Variants in SV2C observed in about 807,000 individuals in gnomAD.
SV2C encodes the protein synaptic vesicle glycoprotein 2C.
A neutral mutation model predicts 79.7 loss-of-function variants in SV2C; 49 were observed. That is an observed-to-expected ratio of 0.61 (90% CI 0.49 to 0.78). The LOEUF (loss-of-function observed/expected upper bound fraction) is 0.78, where lower values mean the gene tolerates loss of function less well. Ranked by LOEUF, SV2C falls within the 30% of genes least tolerant of loss-of-function variation. The pLI, the probability that SV2C is intolerant of heterozygous loss-of-function variation, is 0.00. For missense variants in SV2C, 833 were observed against 912.9 expected, an observed-to-expected ratio of 0.91 and a Z score of 1.13; for synonymous variants, 334 against 333.2, an observed-to-expected ratio of 1.00 and a Z score of -0.03.
chr5:76,045,457 A>G, the SV2C span, among the ~76,000 whole-genome samples: 6 of 152,230 alleles, frequency 3.9e-5, no homozygotes, highest in Non-Finnish European at 5.9e-5. Flanking sequence ...AAGAATGTCA[A>G]TGGTCATTTG....
intron 2 of SV2C, among the ~76,000 whole-genome samples, chr5:76,181,712 TCAAC>T (rs1210857199): frequency 3.9e-5 from 6 of 152,134 alleles, no homozygotes; most frequent in African/African-American, 1.4e-4. Flanking sequence ...ACCCCCATGA[TCAAC>T]CACTTCCCAC....
chr5:76,226,415 A>T (rs1745246172), intron 4 of SV2C, among the ~76,000 whole-genome samples: 1 of 152,176 alleles, frequency 6.6e-6, no homozygotes, highest in African/African-American at 2.4e-5. Flanking sequence ...AGCCATACAG[A>T]TATTAAAGCC....
the SV2C span, among the ~76,000 whole-genome samples, chr5:75,995,619 A>G: frequency 0.014 from 2,144 of 152,268 alleles, 50 homozygotes; most frequent in African/African-American, 0.048. Context: ...AGAACTATCC[A>G]TCACTCTCTG....
chr5:75,935,648 C>T, the SV2C span, among the ~76,000 whole-genome samples: 2 of 152,144 alleles, frequency 1.3e-5, no homozygotes, highest in African/African-American at 2.4e-5. Context: ...CTAAGACACA[C>T]GAATGATTGA....
At chr5:76,189,815 A>C (rs555067013) in intron 2 of SV2C, among the ~76,000 whole-genome samples, 5 of 151,938 alleles carry the variant, frequency 3.3e-5, no homozygotes, top group Non-Finnish European at 5.9e-5. Context: ...GATTTTTCTC[A>C]GTCTTTTTTT....
At chr5:76,179,177 C>T (rs12152728) in intron 2 of SV2C, among the ~76,000 whole-genome samples, 1 of 152,018 alleles carries the variant, frequency 6.6e-6, no homozygotes, top group African/African-American at 2.4e-5. Context: ...TATGAATGTG[C>T]AGTTGAAGTT....
the SV2C span, among the ~76,000 whole-genome samples, chr5:75,986,793 T>C: frequency 1.3e-5 from 2 of 151,924 alleles, no homozygotes; most frequent in Non-Finnish European, 2.9e-5. Context: ...CTTGTGTCTG[T>C]TTGTTCTGGA....
chr5:75,995,243 C>A, the SV2C span, among the ~76,000 whole-genome samples: 1 of 152,022 alleles, frequency 6.6e-6, no homozygotes, highest in Admixed American at 6.6e-5. Flanking sequence ...TCTGAGCATC[C>A]CTTAGCCCAG....
chr5:76,101,132 G>C (rs1000038401), intron 1 of SV2C, among the ~76,000 whole-genome samples: 4 of 152,096 alleles, frequency 2.6e-5, no homozygotes, highest in African/African-American at 9.7e-5. Context: ...GAGCACCCTG[G>C]GTGATTTGGG....
At chr5:75,878,082 A>G in the SV2C span, among the ~76,000 whole-genome samples, 1 of 152,198 alleles carries the variant, frequency 6.6e-6, no homozygotes, top group Non-Finnish European at 1.5e-5. Flanking sequence ...CACGCCAATT[A>G]TACTTCAATA....
chr5:75,899,484 A>C, the SV2C span, among the ~76,000 whole-genome samples: 4 of 152,220 alleles, frequency 2.6e-5, no homozygotes, highest in East Asian at 5.8e-4. Flanking sequence ...CTTTACTTCC[A>C]AGTATGTGGT....
At chr5:76,264,689 C>T (rs1580001332) in intron 4 of SV2C, among the ~76,000 whole-genome samples, 1 of 152,186 alleles carries the variant, frequency 6.6e-6, no homozygotes, top group East Asian at 1.9e-4. Context: ...AACAGTCAGG[C>T]CCCTCTTCTG....
At position 76,330,065 on chromosome 5, in the gene SV2C, A is replaced by G. The variant is rs1433979416; in HGVS notation, c.*4518A>G. The G allele has an allele frequency of 3.3e-5, 1 of 30,690 alleles. No individual in the cohort carries two copies. Among genetic ancestry groups the G allele is most frequent in the Non-Finnish European group, 8.8e-5 (1 of 11,380 alleles). The allele number at this position is 30,690 out of a possible 1,614,324, so 1.9% of individuals were successfully genotyped here. A position where few individuals can be genotyped will look rare whatever the true frequency, so the allele number is the denominator to read the frequency against. The stretch of plus-strand genomic sequence containing the variant: ...TTCTCTTGTTATCTGTAATGTAGAC[A>G]AAAAAAAAAAAAAACCTGTTAGTAT... On this transcript the variant is annotated 3_prime_UTR_variant, in exon 13 of 13. Coordinates refer to ENST00000502798, the MANE Select transcript of SV2C (RefSeq NM_014979.4).
At chr5:75,998,916 C>T in the SV2C span, among the ~76,000 whole-genome samples, 85 of 152,046 alleles carry the variant, frequency 5.6e-4, no homozygotes, top group African/African-American at 2.0e-3. Flanking sequence ...TTTCATGCTG[C>T]TGATAAAGAC....
the SV2C span, among the ~76,000 whole-genome samples, chr5:75,994,151 G>A: frequency 6.6e-6 from 1 of 152,042 alleles, no homozygotes; most frequent in African/African-American, 2.4e-5. Context: ...CAATAAAAGA[G>A]TTTGCAATGG....
At chr5:75,855,744 A>G in the SV2C span, among the ~76,000 whole-genome samples, 1 of 152,212 alleles carries the variant, frequency 6.6e-6, no homozygotes, top group Non-Finnish European at 1.5e-5. Flanking sequence ...CATAATAATC[A>G]CATCATATAA....
the SV2C span, among the ~76,000 whole-genome samples, chr5:75,978,388 A>C: frequency 6.6e-6 from 1 of 152,142 alleles, no homozygotes; most frequent in South Asian, 2.1e-4. Context: ...CTCTAACCAC[A>C]TAGACAATGT....
the SV2C span, among the ~76,000 whole-genome samples, chr5:76,063,952 T>A: frequency 6.6e-6 from 1 of 152,118 alleles, no homozygotes; most frequent in Non-Finnish European, 1.5e-5. Context: ...GTACCCTGGA[T>A]GCCTATGAGT....
chr5:76,185,518 T>C (rs534976293), intron 2 of SV2C, among the ~76,000 whole-genome samples: 52 of 152,334 alleles, frequency 3.4e-4, no homozygotes, highest in Admixed American at 3.4e-3. Context: ...TAGGCAGAGA[T>C]TCCCCAACCT....
Sources: gnomAD v4.1 joint callset for allele counts (sites outside exome capture counted in the v4.1 genomes callset) on GRCh38, gnomAD v4.1.1 for gene constraint, MANE v1.5 for transcripts, NCBI Gene and HGNC (gene_info 2026-07-23, HGNC 2026-07-21) for gene names.